SPOCK1: variants seen among roughly 807,000 people sequenced by gnomAD.
The protein encoded by SPOCK1 is testican-1.
A neutral mutation model predicts 55.3 loss-of-function variants in SPOCK1; 23 were observed. The observed-to-expected ratio is 0.42, with a 90% confidence interval of 0.30 to 0.59. The LOEUF is 0.59. SPOCK1 is among the 20% of genes least tolerant of loss of function. SPOCK1 has a pLI of 0.22. For missense variants in SPOCK1, 499 were observed against 552.5 expected (o/e 0.90, Z 0.97); for synonymous variants, 226 against 221.0 (o/e 1.02, Z -0.20).
At chr5:137,268,448 T>C (rs927181228) in intron 2 of SPOCK1, among the ~76,000 whole-genome samples, 2 of 152,198 alleles carry the variant, frequency 1.3e-5, no homozygotes, top group African/African-American at 4.8e-5. Context: ...GAAATATCAC[T>C]AAGGAAATTT....
chr5:137,437,263 C>T (rs938642012), intron 2 of SPOCK1, among the ~76,000 whole-genome samples: 6 of 152,168 alleles, frequency 3.9e-5, no homozygotes, highest in African/African-American at 1.4e-4. Context: ...AAATGACTAG[C>T]CTTTGGAGCT....
intron 2 of SPOCK1, among the ~76,000 whole-genome samples, chr5:137,458,048 G>A (rs778498422): frequency 2.0e-5 from 3 of 152,202 alleles, no homozygotes; most frequent in Non-Finnish European, 2.9e-5. Context: ...CTTTATGGAC[G>A]ACAACATCAT....
chr5:137,088,790 A>G (rs2348192), intron 5 of SPOCK1, among the ~76,000 whole-genome samples: 87,073 of 151,966 alleles, frequency 0.57, 25,529 homozygotes, highest in East Asian at 0.78. Flanking sequence ...CTTAAGTACC[A>G]TGGGGGTTGA....
At chr5:137,329,899 G>A (rs1226167381) in intron 2 of SPOCK1, among the ~76,000 whole-genome samples, 1 of 152,160 alleles carries the variant, frequency 6.6e-6, no homozygotes, top group Non-Finnish European at 1.5e-5. Context: ...TTTGGGGTCA[G>A]AACCTTCTTT....
At chr5:137,457,213 T>C (rs1315424554) in intron 2 of SPOCK1, among the ~76,000 whole-genome samples, 1 of 152,204 alleles carries the variant, frequency 6.6e-6, no homozygotes, top group African/African-American at 2.4e-5. Flanking sequence ...GAGGTCCTTA[T>C]AAATTTTTCA....
At chr5:137,236,706 A>T (rs1011431165) in intron 3 of SPOCK1, among the ~76,000 whole-genome samples, 1 of 152,150 alleles carries the variant, frequency 6.6e-6, no homozygotes, top group Non-Finnish European at 1.5e-5. Flanking sequence ...ATCAGCTCAT[A>T]CAAGTACACA....
At chr5:137,142,574 G>T (rs1264856893) in intron 3 of SPOCK1, among the ~76,000 whole-genome samples, 1 of 152,224 alleles carries the variant, frequency 6.6e-6, no homozygotes, top group Non-Finnish European at 1.5e-5. Context: ...ATGTGACTCT[G>T]ATACTTGGAG....
intron 3 of SPOCK1, among the ~76,000 whole-genome samples, chr5:137,265,653 G>A (rs1289694894): frequency 6.6e-6 from 1 of 152,152 alleles, no homozygotes; most frequent in Non-Finnish European, 1.5e-5. Flanking sequence ...TAGGATTGTA[G>A]AAGAATAATT....
chr5:137,326,335 C>T (rs148067905), intron 2 of SPOCK1, among the ~76,000 whole-genome samples: 140 of 152,132 alleles, frequency 9.2e-4, no homozygotes, highest in African/African-American at 3.3e-3. Context: ...CAAAGGCATT[C>T]GATTCTTAGG....
At chr5:137,439,865 T>G (rs1395918581) in intron 2 of SPOCK1, among the ~76,000 whole-genome samples, 1 of 152,330 alleles carries the variant, frequency 6.6e-6, no homozygotes, top group African/African-American at 2.4e-5. Flanking sequence ...ACACTGATTC[T>G]TAATCAAACA....
chr5:136,983,779 C>A (rs1750783478), intron 9 of SPOCK1, among the ~76,000 whole-genome samples: 1 of 125,928 alleles, frequency 7.9e-6, no homozygotes, highest in Non-Finnish European at 1.9e-5. Context: ...AAGCAAATGG[C>A]ATTTTTTCTG....
chr5:137,347,831 A>G (rs1750593524), intron 2 of SPOCK1, among the ~76,000 whole-genome samples: 1 of 152,030 alleles, frequency 6.6e-6, no homozygotes, highest in Admixed American at 6.5e-5. Flanking sequence ...GCGTAACGTG[A>G]TGGCTCCTCT....
chr5:137,270,691 G>A (rs1014603200), intron 2 of SPOCK1, among the ~76,000 whole-genome samples: 2 of 152,130 alleles, frequency 1.3e-5, no homozygotes, highest in South Asian at 4.1e-4. Context: ...GTATTCCAAG[G>A]CAGCAGGAAC....
Position 136,984,512 on chromosome 5 carries a change from T to G in SPOCK1, c.991+628A>C, listed in dbSNP as rs1448450261. ...GTGTTTCTATGACAAATGCCAGGAC[T>G]TCCTCCACGTGCTGGAGAAAGGCAG... is the stretch of plus-strand genomic sequence containing the variant. On this transcript the variant is annotated intron_variant, in intron 9 of 10. Transcript: ENST00000394945. Among the ~76,000 whole-genome samples the G allele has an allele frequency of 4.6e-5, 7 of 152,184 alleles. No homozygotes were observed. In the South Asian group the frequency reaches 1.5e-3, roughly 32 times the overall value.
chr5:137,226,276 T>C (rs557158275), intron 3 of SPOCK1, among the ~76,000 whole-genome samples: 68 of 152,330 alleles, frequency 4.5e-4, no homozygotes, highest in Middle Eastern at 3.4e-3. Flanking sequence ...ACATTTCCAG[T>C]AGAAATGCCA....
At chr5:137,168,022 T>C (rs1462061382) in intron 3 of SPOCK1, among the ~76,000 whole-genome samples, 1 of 151,802 alleles carries the variant, frequency 6.6e-6, no homozygotes, top group African/African-American at 2.4e-5. Context: ...AAAAGATCAA[T>C]GACACAAAAT....
chr5:137,122,804 C>T (rs1052134587), intron 4 of SPOCK1, among the ~76,000 whole-genome samples: 1 of 152,256 alleles, frequency 6.6e-6, no homozygotes, highest in Non-Finnish European at 1.5e-5. Context: ...CCATCAGCTT[C>T]GCTGTTCTAA....
intron 2 of SPOCK1, among the ~76,000 whole-genome samples, chr5:137,283,402 G>A (rs1757201783): frequency 6.6e-6 from 1 of 152,138 alleles, no homozygotes; most frequent in Admixed American, 6.6e-5. Flanking sequence ...AGAAAAGGAT[G>A]GAAAGTGAGG....
intron 3 of SPOCK1, among the ~76,000 whole-genome samples, chr5:137,165,628 A>T (rs1561633562): frequency 6.6e-6 from 1 of 152,194 alleles, no homozygotes; most frequent in Non-Finnish European, 1.5e-5. Context: ...CAGACAGAGA[A>T]TTCAAAATGT....
Sources: gnomAD v4.1 joint callset for allele counts (sites outside exome capture counted in the v4.1 genomes callset) on GRCh38, gnomAD v4.1.1 for gene constraint, MANE v1.5 for transcripts, NCBI Gene and HGNC (gene_info 2026-07-23, HGNC 2026-07-21) for gene names.